FAM133B: variants seen among roughly 807,000 people sequenced by gnomAD.
The protein encoded by FAM133B is family with sequence similarity 133 member B, also known as protein FAM133B.
A neutral mutation model predicts 46.4 loss-of-function variants in FAM133B; 25 were observed. The ratio of observed to expected loss-of-function variants is 0.54; its 90% CI spans 0.39 to 0.75. FAM133B has a LOEUF of 0.75. FAM133B is among the 30% of genes least tolerant of loss of function. The probability of loss-of-function intolerance (pLI) is 0.00; values close to 1 mark genes in which losing one functional copy is unlikely to be tolerated. For missense variants in FAM133B, 205 were observed against 277.6 expected, an observed-to-expected ratio of 0.74 and a Z score of 1.86; for synonymous variants, 75 against 86.0, an observed-to-expected ratio of 0.87 and a Z score of 0.71.
intron 9 of FAM133B, among the ~76,000 whole-genome samples, chr7:92,566,887 C>T (rs1207493012): frequency 6.6e-6 from 1 of 152,116 alleles, no homozygotes; most frequent in African/African-American, 2.4e-5. Flanking sequence ...TATTTTATTT[C>T]AATCTTTTTG....
At position 92,573,356 on chromosome 7, in the gene FAM133B, T is replaced by C. The variant is rs530272213; in HGVS notation, c.516+2415A>G. Among the ~76,000 whole-genome samples, 8 of 152,124 alleles carry C rather than the reference T, an allele frequency of 5.3e-5. No homozygotes were observed. The East Asian group carries it at 1.5e-3, about 29-fold the overall frequency. ...TTTGTGTAGAGATGGCCTCTCACTA[T>C]GTTGCCCAGGCTGGTCTCGAACTCC... On this transcript the variant is annotated intron_variant, in intron 8 of 10. Transcript: ENST00000445716.
chr7:92,580,142 T>C (rs1025339972), intron 2 of FAM133B, among the ~76,000 whole-genome samples: 8 of 151,690 alleles, frequency 5.3e-5, no homozygotes, highest in African/African-American at 1.9e-4. Flanking sequence ...GGCATGATCA[T>C]AGTTCACTGT....
intron 2 of FAM133B, among the ~76,000 whole-genome samples, chr7:92,580,297 G>A (rs372996561): frequency 9.4e-5 from 14 of 148,868 alleles, no homozygotes; most frequent in African/African-American, 2.7e-4. Flanking sequence ...ATCTTGCTAC[G>A]TTGCCCAGGC....
At chr7:92,575,581 T>C (rs894185917) in intron 8 of FAM133B, among the ~76,000 whole-genome samples, 190 bp downstream of exon 8, 2 of 152,258 alleles carry the variant, frequency 1.3e-5, no homozygotes, top group Admixed American at 6.5e-5. Flanking sequence ...TTCAAACTCT[T>C]GGCCTAGAAT....
At chr7:92,576,581 C>T (rs949397379) in intron 7 of FAM133B, among the ~76,000 whole-genome samples, 11 of 152,144 alleles carry the variant, frequency 7.2e-5, no homozygotes, top group African/African-American at 2.4e-4. Context: ...CTGTTAAAGA[C>T]GTAGGTTTCC....
intron 8 of FAM133B, among the ~76,000 whole-genome samples, chr7:92,574,213 C>CCA (rs968643838): frequency 1.1e-4 from 16 of 151,634 alleles, no homozygotes; most frequent in Non-Finnish European, 1.9e-4. Flanking sequence ...GCGAAATCCG[C>CCA]CACACACACA....
intron 1 of FAM133B, among the ~76,000 whole-genome samples, chr7:92,588,589 A>G (rs1795099727): frequency 6.6e-6 from 1 of 152,194 alleles, no homozygotes; most frequent in African/African-American, 2.4e-5. Context: ...TAAAGACTAT[A>G]CAGAACTACA....
At chr7:92,585,072 T>C (rs779590420) in intron 1 of FAM133B, among the ~76,000 whole-genome samples, 29 of 152,158 alleles carry the variant, frequency 1.9e-4, no homozygotes, top group Non-Finnish European at 3.4e-4. Flanking sequence ...TCTAACCTAA[T>C]CAAAGAGTAT....
chr7:92,577,669 C>T lies in FAM133B; in HGVS notation c.358G>A (p.Asp120Asn), dbSNP rs1263238213. The T allele has an allele frequency of 8.2e-6, 13 of 1,582,910 alleles. No individual in the cohort carries two copies. The highest frequency in any genetic ancestry group is 1.1e-5 in the Non-Finnish European group (13 of 1,163,326). ...GCAAACCTTACCTCATCTTCAGAAT[C>T]AGAAGAACTGCTGGAAGAATCAGAG... ...SSSDSSSSSS[D>N]SEDEDKKQGK... The change falls in exon 6 of 11, where the codon GAT (aspartate) becomes AAT (asparagine). Residue 120 changes from aspartate to asparagine, a missense_variant. Coordinates refer to ENST00000445716, the MANE Select transcript of FAM133B (RefSeq NM_152789.4).
chr7:92,566,794 C>T (rs918858085), intron 9 of FAM133B, among the ~76,000 whole-genome samples: 3 of 152,158 alleles, frequency 2.0e-5, no homozygotes, highest in African/African-American at 7.2e-5. Flanking sequence ...CTATGGTGCT[C>T]AACAAATGGT....
intron 8 of FAM133B, among the ~76,000 whole-genome samples, chr7:92,573,693 T>C (rs977876620): frequency 1.3e-5 from 2 of 151,968 alleles, no homozygotes; most frequent in East Asian, 1.9e-4. Context: ...TAACCACTTA[T>C]TTTATAATCG....
chr7:92,576,987 A>G, intron 7 of FAM133B, 116 bp downstream of exon 7: 1 of 524,268 alleles, frequency 1.9e-6, no homozygotes, highest in Non-Finnish European at 3.2e-6. Flanking sequence ...TAAGTGGCAT[A>G]GAACATCAAA....
intron 7 of FAM133B, among the ~76,000 whole-genome samples, chr7:92,576,782 T>TA (rs997181152): frequency 3.9e-5 from 6 of 152,232 alleles, no homozygotes; most frequent in African/African-American, 1.2e-4. Context: ...TTTTAGAAGA[T>TA]AAAGACTCAA....
chr7:92,571,631 C>T (rs1336491677), intron 8 of FAM133B, among the ~76,000 whole-genome samples: 2 of 152,058 alleles, frequency 1.3e-5, no homozygotes, highest in Non-Finnish European at 2.9e-5. Flanking sequence ...TATGTAGTGG[C>T]CAGCTTTATA....
intron 9 of FAM133B, among the ~76,000 whole-genome samples, chr7:92,568,749 G>A (rs1794442845): frequency 6.6e-6 from 1 of 151,938 alleles, no homozygotes; most frequent in South Asian, 2.1e-4. Flanking sequence ...TTTTAGAGAT[G>A]GGGTCTTGCT....
chr7:92,579,097 A>T, intron 3 of FAM133B: 1 of 481,466 alleles, frequency 2.1e-6, no homozygotes, highest in South Asian at 2.6e-5. Context: ...CTTCTAAAAT[A>T]CAGAACCTCT....
chr7:92,590,077 CT>C (rs1188510733), intron 1 of FAM133B, 190 bp downstream of exon 1: 12 of 706,736 alleles, frequency 1.7e-5, no homozygotes, highest in Middle Eastern at 2.5e-4. Context: ...CAAGAGAGAG[CT>C]GGGAACCCTA....
chr7:92,590,192 C>A (rs1022609979), intron 1 of FAM133B, 76 bp downstream of exon 1: 15 of 1,610,460 alleles, frequency 9.3e-6, no homozygotes, highest in Non-Finnish European at 1.3e-5. Context: ...CCGGCCCGGC[C>A]GGGAACAGCG....
In FAM133B at chr7:92,560,877, G is replaced by C. The variant is rs1354204148; in HGVS notation, c.*1405C>G. ...TACCACTATAATTAGCACACCCTTT[G>C]TAACAGGCAAAATTGTACATCAAGT... is the stretch of plus-strand genomic sequence containing the variant. On this transcript the variant is annotated 3_prime_UTR_variant, in exon 11 of 11. Coordinates refer to ENST00000445716, the MANE Select transcript of FAM133B (RefSeq NM_152789.4). The C allele has an allele frequency of 2.0e-5, 3 of 152,482 alleles. No individual in the cohort carries two copies. The highest frequency in any genetic ancestry group is 3.8e-4 in the East Asian group (2 of 5,202). 9.4% of individuals were successfully genotyped at this position (152,482 alleles called of 1,614,324 possible).
Sources: gnomAD v4.1 joint callset for allele counts (sites outside exome capture counted in the v4.1 genomes callset) on GRCh38, gnomAD v4.1.1 for gene constraint, MANE v1.5 for transcripts, NCBI Gene and HGNC (gene_info 2026-07-23, HGNC 2026-07-21) for gene names.